The following RASGRP1 variants were observed in gnomAD, a reference collection of about 807,000 sequenced individuals.
The protein encoded by RASGRP1 is RAS guanyl releasing protein 1.
RASGRP1 carries 37 observed loss-of-function variants against 95.1 expected under a neutral mutation model. The ratio of observed to expected loss-of-function variants is 0.39; its 90% confidence interval spans 0.30 to 0.51. The LOEUF (loss-of-function observed/expected upper bound fraction) is 0.51. Ranked by LOEUF, RASGRP1 falls within the 20% of genes least tolerant of loss-of-function variation. The pLI is 0.80. For synonymous variants in RASGRP1, 325 were observed against 353.4 expected, an observed-to-expected ratio of 0.92 and a Z score of 0.90; for missense variants, 711 against 965.4, an observed-to-expected ratio of 0.74 and a Z score of 3.49.
At chr15:38,563,222 G>A (rs1893884787) in intron 1 of RASGRP1, among the ~76,000 whole-genome samples, 1 of 152,110 alleles carries the variant, frequency 6.6e-6, no homozygotes, top group Non-Finnish European at 1.5e-5. Flanking sequence ...CTCTATTATA[G>A]GCAGGTCGAA....
chr15:38,524,937 T>A (rs1457016671), intron 3 of RASGRP1, among the ~76,000 whole-genome samples: 1 of 150,242 alleles, frequency 6.7e-6, no homozygotes, highest in Non-Finnish European at 1.5e-5. Context: ...AGTAGTGCAC[T>A]AAGGGCAGGA....
At chr15:38,533,280 G>A (rs1892518681) in intron 2 of RASGRP1, among the ~76,000 whole-genome samples, 2 of 152,198 alleles carry the variant, frequency 1.3e-5, no homozygotes, top group Non-Finnish European at 2.9e-5. Context: ...TTAGAGCAGA[G>A]CCTGTGGTAA....
Position 38,511,549 on chromosome 15 carries a change from T to G in RASGRP1, c.966+55A>C, listed in dbSNP as rs1891512357. Reference sequence around the variant, plus strand: ...GGGCTGCCCACCAAGGAGAAAATGTTGGCACACATCTTGAGAATGCTGCTA... The same window carrying G: ...GGGCTGCCCACCAAGGAGAAAATGTGGGCACACATCTTGAGAATGCTGCTA... On this transcript the variant is annotated intron_variant, in intron 8 of 16. Coordinates refer to ENST00000310803, the MANE Select transcript of RASGRP1 (RefSeq NM_005739.4). 3.1e-5 allele frequency: 43 copies of G among 1,373,096 alleles called. No homozygotes were observed. The South Asian group carries it at 4.6e-4, about 15-fold the overall frequency. The allele number at this position is 1,373,096 out of a possible 1,614,324, so 85.1% of individuals were successfully genotyped here.
chr15:38,507,688 G>C (rs771896699), intron 9 of RASGRP1, 38 bp downstream of exon 9: 6 of 1,542,398 alleles, frequency 3.9e-6, no homozygotes, highest in Admixed American at 2.0e-5. Context: ...CTGGCACACA[G>C]AAAGTGCTTA....
At chr15:38,515,887 C>CAGAGAGAGAGAG (rs34032922) in intron 6 of RASGRP1, among the ~76,000 whole-genome samples, 53 of 140,978 alleles carry the variant, frequency 3.8e-4, no homozygotes, top group African/African-American at 1.4e-3. Flanking sequence ...ATGAGAGAGA[C>CAGAGAGAGAGAG]AGAGAGAGAG....
chr15:38,561,026 G>C (rs916539326), intron 1 of RASGRP1, among the ~76,000 whole-genome samples: 1 of 152,198 alleles, frequency 6.6e-6, no homozygotes, highest in Non-Finnish European at 1.5e-5. Flanking sequence ...ATAGTGATGA[G>C]TGTTGCTGGT....
intron 16 of RASGRP1, among the ~76,000 whole-genome samples, chr15:38,491,962 ACATGGAATCC>A (rs1474100565): frequency 2.0e-5 from 3 of 152,234 alleles, no homozygotes; most frequent in African/African-American, 7.2e-5. Flanking sequence ...ACCTTTCAGA[ACATGGAATCC>A]CAGCCCTGTA....
chr15:38,499,756 C>G (rs185622475), intron 14 of RASGRP1, among the ~76,000 whole-genome samples: 1 of 152,154 alleles, frequency 6.6e-6, no homozygotes, highest in Non-Finnish European at 1.5e-5. Flanking sequence ...TGCCCATAAT[C>G]CCCATGTGTC....
At chr15:38,555,538 G>C (rs1226227174) in intron 2 of RASGRP1, among the ~76,000 whole-genome samples, 6 of 152,210 alleles carry the variant, frequency 3.9e-5, no homozygotes, top group Non-Finnish European at 8.8e-5. Context: ...AACCCAGGTT[G>C]CAAGTGGCTG....
intron 11 of RASGRP1, 134 bp from the exon 12 acceptor site, chr15:38,502,555 C>T: frequency 3.3e-6 from 2 of 614,010 alleles, no homozygotes; most frequent in East Asian, 2.8e-5. Context: ...GGGAAACCTG[C>T]TCCTTTAGCT....
Position 38,490,614 on chromosome 15 carries a change from G to A in RASGRP1, c.2334C>T (p.Ser778=), listed in dbSNP as rs757045224. The A allele has an allele frequency of 1.2e-6, 2 of 1,612,268 alleles. No homozygotes were observed. The highest frequency in any genetic ancestry group is 1.7e-6 in the Non-Finnish European group (2 of 1,178,844). Residue 778 remains serine (S), a synonymous_variant, in exon 17 of 17, where the codon TCC becomes TCT. Coordinates refer to ENST00000310803, the MANE Select transcript of RASGRP1 (RefSeq NM_005739.4). ...CATGATTGCTTTTTTCAAGCTGGAG[G>A]GATTCTATTTTCTTCTGTGCATATT... ...QLKYAQKKIE[S]LQLEKSNHVL... is the part of the protein sequence containing the mutation.
At chr15:38,518,030 A>T (rs187687569) in intron 5 of RASGRP1, among the ~76,000 whole-genome samples, 62 of 152,144 alleles carry the variant, frequency 4.1e-4, no homozygotes, top group Middle Eastern at 3.4e-3. Context: ...TTGCTACCTG[A>T]TTTCTTTTTG....
At chr15:38,534,519 C>T (rs1892563945) in intron 2 of RASGRP1, 2 of 152,172 alleles carry the variant, frequency 1.3e-5, no homozygotes, top group South Asian at 4.1e-4. Context: ...TGGGGGACAC[C>T]ATAACATGGA....
In RASGRP1 at chr15:38,500,155, CAG is replaced by C. The variant is rs902764768; in HGVS notation, c.1684-18_1684-17del. On this transcript the variant is annotated splice_polypyrimidine_tract_variant and intron_variant, in intron 13 of 16. Transcript: ENST00000310803. ...CTCCCCAGAGCTATGAAACAAGAGA[CAG>C]AATGCACCACATGTCATTCATCCAT... The C allele has an allele frequency of 6.2e-7, 1 of 1,612,616 alleles. No individual in the cohort carries two copies. The highest frequency in any genetic ancestry group is 1.3e-5 in the African/African-American group (1 of 75,028).
chr15:38,561,051 T>C (rs538759411), intron 1 of RASGRP1, among the ~76,000 whole-genome samples: 8 of 152,352 alleles, frequency 5.3e-5, no homozygotes, highest in Admixed American at 1.3e-4. Context: ...CTCTTGAGCA[T>C]TTAGTTAATT....
chr15:38,517,681 T>C (rs544063059), intron 5 of RASGRP1, among the ~76,000 whole-genome samples: 1 of 152,266 alleles, frequency 6.6e-6, no homozygotes, highest in Admixed American at 6.5e-5. Context: ...CTTAGGGATT[T>C]GTACTATTTC....
chr15:38,520,714 A>C (rs1426875291), intron 3 of RASGRP1, among the ~76,000 whole-genome samples: 2 of 152,182 alleles, frequency 1.3e-5, no homozygotes, highest in Non-Finnish European at 2.9e-5. Flanking sequence ...GCACTTAAAA[A>C]TTATCTAAGA....
chr15:38,502,025 T>G (rs1891049484), intron 12 of RASGRP1, among the ~76,000 whole-genome samples: 1 of 152,132 alleles, frequency 6.6e-6, no homozygotes, highest in Non-Finnish European at 1.5e-5. Flanking sequence ...TGGCTAATTT[T>G]TGTATTTTTA....
intron 1 of RASGRP1, among the ~76,000 whole-genome samples, chr15:38,563,920 G>T (rs1185215353): frequency 1.3e-5 from 2 of 152,196 alleles, no homozygotes; most frequent in Non-Finnish European, 2.9e-5. Context: ...TCATGCAGTT[G>T]CCTAGTTCTG....
Sources: allele counts gnomAD v4.1 joint callset (sites outside exome capture counted in the v4.1 genomes callset), GRCh38; gene constraint gnomAD v4.1.1; transcripts MANE v1.5; gene names NCBI Gene and HGNC (gene_info 2026-07-23, HGNC 2026-07-21).